KDM5B: variants seen among roughly 807,000 people sequenced by gnomAD.
KDM5B encodes lysine-specific demethylase 5B.
A neutral mutation model predicts 193.4 loss-of-function variants in KDM5B; 144 were observed. That is an observed-to-expected ratio of 0.74 (90% CI 0.65 to 0.86). KDM5B has a LOEUF of 0.86. Ranked by LOEUF, KDM5B falls within the 40% of genes least tolerant of loss-of-function variation. The pLI, the probability that KDM5B is intolerant of heterozygous loss-of-function variation, is 0.00. For synonymous variants in KDM5B, 668 were observed against 682.6 expected, an observed-to-expected ratio of 0.98 and a Z score of 0.33; for missense variants, 1,833 against 1,886.9, an observed-to-expected ratio of 0.97 and a Z score of 0.53.
In KDM5B at chr1:202,766,698, G is replaced by A. The variant is rs145513124; in HGVS notation, c.711+228C>T. The stretch of plus-strand genomic sequence containing the variant: ...TCTAAGGCCTTGACTGGTAATAAGC[G>A]GCTGTCTGTCCAGGCAGCATAAATT... On this transcript the variant is annotated intron_variant, in intron 5 of 26. Transcript: ENST00000367265. Among the ~76,000 whole-genome samples the A allele has an allele frequency of 1.6e-4, 25 of 152,194 alleles. No homozygotes were observed. In the East Asian group the frequency reaches 2.9e-3, roughly 18 times the overall value.
intron 2 of KDM5B, 42 bp downstream of exon 2, chr1:202,776,975 C>T (rs778005185): frequency 1.7e-6 from 2 of 1,209,544 alleles, no homozygotes; most frequent in Non-Finnish European, 2.4e-6. Flanking sequence ...AAAGACGGTC[C>T]CCCTGGAATA....
At chr1:202,790,775 C>G (rs1657614443) in intron 1 of KDM5B, among the ~76,000 whole-genome samples, 1 of 151,708 alleles carries the variant, frequency 6.6e-6, no homozygotes. Context: ...GTTGCAAGAA[C>G]CTACACCCTA....
intron 5 of KDM5B, among the ~76,000 whole-genome samples, chr1:202,766,166 G>C (rs1369092944): frequency 6.6e-6 from 1 of 152,070 alleles, no homozygotes; most frequent in Non-Finnish European, 1.5e-5. Flanking sequence ...AGTAAGCTAT[G>C]ATCATGCCAC....
chr1:202,741,318 G>A (rs1655327905), intron 19 of KDM5B, 49 bp downstream of exon 19: 2 of 1,339,350 alleles, frequency 1.5e-6, no homozygotes, highest in Admixed American at 2.3e-5. Context: ...TGTTTAAGCT[G>A]GAGATAACTG....
At chr1:202,732,128 AAAGACC>A in intron 23 of KDM5B, 189 bp from the exon 24 acceptor site, 1 of 543,944 alleles carries the variant, frequency 1.8e-6, no homozygotes, top group Admixed American at 3.7e-5. Context: ...ATATCTTCCC[AAAGACC>A]AAGCCTTTAA....
At chr1:202,759,428 C>A (rs1306634775) in intron 8 of KDM5B, among the ~76,000 whole-genome samples, 2 of 151,788 alleles carry the variant, frequency 1.3e-5, no homozygotes, top group African/African-American at 4.9e-5. Flanking sequence ...GTAGTCCCAG[C>A]TACTTGGGAG....
At chr1:202,794,200 A>T (rs1657748493) in intron 1 of KDM5B, among the ~76,000 whole-genome samples, 1 of 152,298 alleles carries the variant, frequency 6.6e-6, no homozygotes, top group South Asian at 2.1e-4. Flanking sequence ...CAAGGATGAG[A>T]TATTACCATC....
chr1:202,774,864 C>T (rs1032637770), intron 2 of KDM5B, 129 bp from the exon 3 acceptor site: 1 of 755,540 alleles, frequency 1.3e-6, no homozygotes, highest in Non-Finnish European at 2.1e-6. Context: ...TAATTTAATG[C>T]TCTTTCAGCA....
intron 10 of KDM5B, among the ~76,000 whole-genome samples, chr1:202,755,812 A>G (rs188347744): frequency 1.3e-5 from 2 of 152,248 alleles, no homozygotes; most frequent in Non-Finnish European, 2.9e-5. Flanking sequence ...AAAGTAGTGA[A>G]GGAGAGCGGG....
intron 23 of KDM5B, among the ~76,000 whole-genome samples, chr1:202,732,853 G>T (rs1344299665): frequency 6.6e-6 from 1 of 152,152 alleles, no homozygotes; most frequent in African/African-American, 2.4e-5. Flanking sequence ...AGAAAACTCT[G>T]CCCATCCAGT....
rs114568507 is a variant in KDM5B, at chr1:202,762,042, C to T, written c.918+657G>A. ...TTCTAGTTCCAAGAAAAAAAAGCAC[C>T]GTTTCAGGCTCTCAGAAGGGGGCAG... is the stretch of plus-strand genomic sequence containing the variant. On this transcript the variant is annotated intron_variant, in intron 7 of 26. Coordinates refer to ENST00000367265, the MANE Select transcript of KDM5B (RefSeq NM_006618.5). Among the ~76,000 whole-genome samples, 1,295 of 152,162 alleles carry T rather than the reference C, an allele frequency of 8.5e-3. 19 individuals carry two copies. Among genetic ancestry groups the T allele is most frequent in the Non-Finnish European group, 0.013 (896 of 68,008 alleles).
rs763940976 is a variant in KDM5B, at chr1:202,736,302, G to C, written c.3175C>G (p.Leu1059Val). ...TGAACCTCAGCTACTAGGGTTTCCA[G>C]TCTTGGCAAAGAATTCAGATGTACG... ...IPVHLNSLPR[L>V]ETLVAEVQAW... is the part of the protein sequence containing the mutation. Residue 1059 changes from leucine to valine, a missense_variant, in exon 21 of 27, where the codon CTG becomes GTG. By Grantham distance (32) the Leu-to-Val change is conservative (BLOSUM62 1). Around this residue, in one of 3 missense-constraint regions of KDM5B, gnomAD observed 1,379 missense variants for 1,349.6 expected, o/e 1.02. Coordinates refer to ENST00000367265, the MANE Select transcript of KDM5B (RefSeq NM_006618.5). The C allele has an allele frequency of 6.2e-7, 1 of 1,612,724 alleles. No individual in the cohort carries two copies. Among genetic ancestry groups the C allele is most frequent in the Admixed American group, 1.7e-5 (1 of 59,820 alleles).
At chr1:202,754,563 C>A (rs940269967) in intron 11 of KDM5B, among the ~76,000 whole-genome samples, 3 of 152,214 alleles carry the variant, frequency 2.0e-5, no homozygotes, top group African/African-American at 7.2e-5. Flanking sequence ...CTGGAGGACA[C>A]TGTGGTACCT....
chr1:202,760,655 T>C, intron 7 of KDM5B, 82 bp from the exon 8 acceptor site: 2 of 997,248 alleles, frequency 2.0e-6, no homozygotes, highest in Non-Finnish European at 2.9e-6. Context: ...GAAATGGATC[T>C]GAGACATAAT....
Position 202,729,933 on chromosome 1 carries a change from C to T in KDM5B, c.4271G>A (p.Trp1424Ter). Reference sequence around the variant, plus strand: ...GGTCCGCATTTTCTTAACTCGTTCCCACCGCTCACTGGAGAGGCCCTCTCT... The same window carrying T: ...GGTCCGCATTTTCTTAACTCGTTCCTACCGCTCACTGGAGAGGCCCTCTCT... ...LEREGLSSER[W>*]ERVKKMRTPK... Residue 1424 changes from tryptophan to a stop codon, truncating the protein, a stop_gained, in exon 26 of 27, where the codon TGG (tryptophan) becomes TAG (stop). Transcript: ENST00000367265. LOFTEE classifies it high-confidence loss of function. The T allele has an allele frequency of 6.2e-7, 1 of 1,614,102 alleles. No homozygotes were observed.
chr1:202,753,687 T>C (rs1360329843), intron 11 of KDM5B, among the ~76,000 whole-genome samples: 1 of 146,802 alleles, frequency 6.8e-6, no homozygotes, highest in Non-Finnish European at 1.5e-5. Flanking sequence ...TTTTTTTTTT[T>C]GAGACTGAGT....
rs1220597841 is a variant in KDM5B at position 202,766,956 on chromosome 1, T to C, written c.681A>G (p.Pro227=). ...CTCTCATGCGTTTTGCTCGTCGGGC[T>C]GGGGGGCACGTTTCCGAAGGCTGCA... ...QSVQPSETCP[P]ARRAKRMRAE... Residue 227 remains proline (P), a synonymous_variant, in exon 5 of 27, where the codon CCA becomes CCG. Coordinates refer to ENST00000367265, the MANE Select transcript of KDM5B (RefSeq NM_006618.5). The C allele has an allele frequency of 1.9e-6, 3 of 1,582,984 alleles. No homozygotes were observed. Among genetic ancestry groups the C allele is most frequent in the Non-Finnish European group, 2.6e-6 (3 of 1,172,664 alleles).
chr1:202,785,642 T>G (rs1304064536), intron 1 of KDM5B, among the ~76,000 whole-genome samples: 1 of 152,232 alleles, frequency 6.6e-6, no homozygotes, highest in African/African-American at 2.4e-5. Context: ...GAAGGTGTGG[T>G]GGCTCACGCC....
intron 2 of KDM5B, chr1:202,776,327 G>A (rs1397643048): frequency 6.6e-6 from 1 of 152,100 alleles, no homozygotes; most frequent in South Asian, 2.1e-4. Flanking sequence ...ACCTTCCTGT[G>A]ATGTAAGCAG....
Sources: allele counts gnomAD v4.1 joint callset (sites outside exome capture counted in the v4.1 genomes callset), GRCh38; gene constraint gnomAD v4.1.1; regional missense constraint gnomAD v4.1.1; transcripts MANE v1.5; gene names NCBI Gene and HGNC (gene_info 2026-07-23, HGNC 2026-07-21).